The following RAD51B variants were observed in gnomAD, a reference collection of about 807,000 sequenced individuals.
RAD51B encodes the protein RAD51 paralog B, also known as DNA repair protein RAD51 homolog 2.
In RAD51B, 38 loss-of-function variants were observed where a neutral mutation model predicts 42.2. The ratio of observed to expected loss-of-function variants is 0.90; its 90% CI spans 0.70 to 1.18. The LOEUF is 1.18. RAD51B is among the 50% of genes most tolerant of loss of function. RAD51B has a pLI of 0.00. For missense variants in RAD51B, 373 were observed against 400.7 expected (o/e 0.93, Z 0.59); for synonymous variants, 154 against 145.2 (o/e 1.06, Z -0.43).
rs759241351 is a variant in RAD51B at position 67,995,611 on chromosome 14, C to CT, written c.756+108422dup. Among the ~76,000 whole-genome samples the CT allele has an allele frequency of 7.3e-3, 1,043 of 141,966 alleles. 11 individuals carry two copies. The highest frequency in any genetic ancestry group is 0.017 in the African/African-American group (661 of 38,486). 93.1% of individuals were successfully genotyped at this position (141,966 alleles called of 152,430 possible). A position where few individuals can be genotyped will look rare whatever the true frequency, so the allele number is the denominator to read the frequency against. ...GACCAAGCCCTGCTGATTTTATATTCTTTTTTTTTTTTTTTCTTTTGAGAC... is the reference window on the plus strand; with the variant it reads ...GACCAAGCCCTGCTGATTTTATATTCTTTTTTTTTTTTTTTTCTTTTGAGAC... On this transcript the variant is annotated intron_variant, in intron 7 of 10. Transcript: ENST00000471583.
intron 7 of RAD51B, among the ~76,000 whole-genome samples, chr14:68,212,397 T>C (rs773277426): frequency 6.6e-6 from 1 of 152,204 alleles, no homozygotes; most frequent in Non-Finnish European, 1.5e-5. Context: ...AATACTTGAC[T>C]CAGAGCCTTA....
chr14:68,445,762 A>G (rs2085405789), intron 9 of RAD51B, among the ~76,000 whole-genome samples: 1 of 152,202 alleles, frequency 6.6e-6, no homozygotes, highest in Admixed American at 6.5e-5. Flanking sequence ...TCATCCTTAT[A>G]TTGGGAAATC....
At chr14:68,201,516 G>A (rs887304323) in intron 7 of RAD51B, among the ~76,000 whole-genome samples, 8 of 152,136 alleles carry the variant, frequency 5.3e-5, no homozygotes, top group African/African-American at 1.4e-4. Context: ...CTTTCCCAGG[G>A]AATACTCTTC....
At chr14:68,332,089 T>C (rs982188638) in intron 8 of RAD51B, among the ~76,000 whole-genome samples, 22 of 152,324 alleles carry the variant, frequency 1.4e-4, no homozygotes, top group Non-Finnish European at 3.1e-4. Flanking sequence ...TTTTAAAAAC[T>C]GATCTAGAAA....
chr14:68,391,177 TCTTTCTTCTTTC>T (rs1468738361), intron 8 of RAD51B, among the ~76,000 whole-genome samples: 1 of 150,398 alleles, frequency 6.6e-6, no homozygotes, highest in Non-Finnish European at 1.5e-5. Flanking sequence ...TTTCTTTCTT[TCTTTCTTCTTTC>T]CTTTCTTCTT....
chr14:68,294,169 A>G (rs991468324), intron 8 of RAD51B, among the ~76,000 whole-genome samples: 5 of 152,234 alleles, frequency 3.3e-5, no homozygotes, highest in African/African-American at 9.6e-5. Context: ...ACACATAGAA[A>G]AGAAATTGCT....
downstream of RAD51B, among the ~76,000 whole-genome samples, chr14:68,596,420 C>T (rs1170817730): frequency 2.6e-5 from 4 of 152,098 alleles, no homozygotes; most frequent in South Asian, 2.1e-4. Flanking sequence ...TAGCACCCTA[C>T]GCTCAGAGTT....
downstream of RAD51B, among the ~76,000 whole-genome samples, chr14:68,596,209 C>T (rs888811336): frequency 3.3e-5 from 5 of 152,142 alleles, no homozygotes; most frequent in African/African-American, 1.2e-4. Flanking sequence ...CTGACAGTAA[C>T]AGCTTTGGAA....
intron 7 of RAD51B, among the ~76,000 whole-genome samples, chr14:67,973,442 C>T (rs1163211381): frequency 1.3e-5 from 2 of 152,110 alleles, no homozygotes; most frequent in African/African-American, 4.8e-5. Context: ...TATGTCTAAA[C>T]TGTTAAAGTG....
intron 7 of RAD51B, among the ~76,000 whole-genome samples, chr14:68,263,822 G>A (rs532777598): frequency 2.0e-4 from 30 of 152,246 alleles, no homozygotes; most frequent in Middle Eastern, 6.8e-3. Context: ...AAGCACTAAT[G>A]GCAAACTTGA....
chr14:68,582,581 G>A (rs946557127), intron 10 of RAD51B, among the ~76,000 whole-genome samples: 5 of 152,176 alleles, frequency 3.3e-5, no homozygotes, highest in African/African-American at 9.7e-5. Flanking sequence ...CAACCATTGT[G>A]GAAGACAGTG....
chr14:68,410,931 G>A (rs529709352), intron 8 of RAD51B, among the ~76,000 whole-genome samples: 7 of 144,512 alleles, frequency 4.8e-5, no homozygotes, highest in Non-Finnish European at 7.8e-5. Context: ...CTTTTTTTGC[G>A]TTGTGTATAC....
intron 7 of RAD51B, among the ~76,000 whole-genome samples, chr14:68,131,088 T>G (rs1434401212): frequency 1.3e-5 from 2 of 152,224 alleles, no homozygotes; most frequent in East Asian, 3.8e-4. Flanking sequence ...GGATTATTGT[T>G]ATTTTATTCC....
chr14:68,359,991 T>C (rs910283421), intron 8 of RAD51B, among the ~76,000 whole-genome samples: 1 of 152,264 alleles, frequency 6.6e-6, no homozygotes, highest in Non-Finnish European at 1.5e-5. Flanking sequence ...CAGCCTGGGC[T>C]GGGCTCCTTA....
intron 4 of RAD51B, among the ~76,000 whole-genome samples, chr14:67,859,773 TC>T (rs1461087385): frequency 6.6e-6 from 1 of 152,190 alleles, no homozygotes; most frequent in Non-Finnish European, 1.5e-5. Context: ...ACACACTTGT[TC>T]ATAAAATGGA....
At chr14:67,873,590 A>G (rs1331670074) in intron 5 of RAD51B, among the ~76,000 whole-genome samples, 3 of 152,080 alleles carry the variant, frequency 2.0e-5, no homozygotes, top group South Asian at 2.1e-4. Flanking sequence ...ATTACTGGGT[A>G]TATACCCAAG....
chr14:68,291,006 C>T (rs563151010), intron 7 of RAD51B, among the ~76,000 whole-genome samples: 5 of 151,918 alleles, frequency 3.3e-5, no homozygotes, highest in African/African-American at 1.2e-4. Context: ...CAGGGTTTCT[C>T]CACATTGGCA....
In RAD51B at chr14:68,154,659, T is replaced by C. The variant is rs546294205; in HGVS notation, c.757-137225T>C. On this transcript the variant is annotated intron_variant, in intron 7 of 10. Transcript: ENST00000471583. ...CATGCAACACAACCTAGAAATTCTCTTAAGGTAATGGCCTGAGGAAATTGT... is the reference window on the plus strand; with the variant it reads ...CATGCAACACAACCTAGAAATTCTCCTAAGGTAATGGCCTGAGGAAATTGT... Among the ~76,000 whole-genome samples the C allele has an allele frequency of 2.0e-5, 3 of 152,320 alleles. No homozygotes were observed. The East Asian group carries it at 5.8e-4, about 29-fold the overall frequency.
intron 7 of RAD51B, among the ~76,000 whole-genome samples, chr14:68,007,526 A>G (rs1471486792): frequency 6.6e-6 from 1 of 151,866 alleles, no homozygotes; most frequent in East Asian, 1.9e-4. Flanking sequence ...TTTCCTTACA[A>G]ATTAAAAAAA....
Sources: allele counts gnomAD v4.1 joint callset (sites outside exome capture counted in the v4.1 genomes callset), GRCh38; gene constraint gnomAD v4.1.1; transcripts MANE v1.5; gene names NCBI Gene and HGNC (gene_info 2026-07-23, HGNC 2026-07-21).